Variants in PHF11 observed in about 807,000 individuals in gnomAD.
PHF11 encodes PHD finger protein 11, also known as BRCA1 C-terminus-associated protein.
PHF11 carries 38 observed loss-of-function variants against 40.5 expected under a neutral mutation model. The observed-to-expected ratio is 0.94, with a 90% confidence interval of 0.72 to 1.23. The LOEUF (loss-of-function observed/expected upper bound fraction) is 1.23. PHF11 is among the 50% of genes most tolerant of loss of function. The probability of loss-of-function intolerance (pLI) is 0.00; values close to 1 mark genes in which losing one functional copy is unlikely to be tolerated. For missense variants in PHF11, 369 were observed against 392.4 expected (o/e 0.94, Z 0.50); for synonymous variants, 127 against 138.2 (o/e 0.92, Z 0.57).
At chr13:49,527,136 T>C (rs1959338547) in intron 9 of PHF11, 1 of 152,230 alleles carries the variant, frequency 6.6e-6, no homozygotes, top group South Asian at 2.1e-4. Flanking sequence ...AAATCTCGTT[T>C]GGTTTGGAGG....
At chr13:49,504,635 T>G (rs1594203170) in intron 1 of PHF11, among the ~76,000 whole-genome samples, 1 of 135,546 alleles carries the variant, frequency 7.4e-6, no homozygotes, top group Admixed American at 7.6e-5. Context: ...GTCCGGGAGG[T>G]GAGAGGCGCC....
intron 9 of PHF11, 31 bp downstream of exon 9, chr13:49,526,489 T>C (rs748978081): frequency 7.1e-6 from 8 of 1,125,268 alleles, no homozygotes; most frequent in African/African-American, 1.6e-5. Flanking sequence ...CTGAGCAGCA[T>C]AGTTTTGAGA....
At chr13:49,525,888 G>C (rs1042654806) in intron 8 of PHF11, 13 of 436,558 alleles carry the variant, frequency 3.0e-5, no homozygotes, top group Non-Finnish European at 5.5e-5. Context: ...AGAATTGGGG[G>C]CCAGGCGCGG....
Position 49,522,115 on chromosome 13 carries a change from G to A in PHF11, c.570+8G>A, listed in dbSNP as rs1959191345. 3 of 1,475,928 alleles carry A rather than the reference G, an allele frequency of 2.0e-6. No homozygotes were observed. The highest frequency in any genetic ancestry group is 2.8e-6 in the Non-Finnish European group (3 of 1,059,028). 91.4% of individuals were successfully genotyped at this position (1,475,928 alleles called of 1,614,324 possible). A position where few individuals can be genotyped will look rare whatever the true frequency, so the allele number is the denominator to read the frequency against. ...TCAGGCAATCATGTACAGGTAATTT[G>A]ACTTAGTTTTTATAGCTTTGCATTT... On this transcript the variant is annotated splice_region_variant and intron_variant, in intron 6 of 9. Transcript: ENST00000378319.
intron 1 of PHF11, among the ~76,000 whole-genome samples, chr13:49,503,971 A>T (rs2139035245): frequency 6.6e-6 from 1 of 151,582 alleles, no homozygotes; most frequent in South Asian, 2.1e-4. Flanking sequence ...TGATCCACCC[A>T]CCTCAGCCTC....
intron 1 of PHF11, among the ~76,000 whole-genome samples, chr13:49,501,003 TTTTTTTTTTTTTGG>T (rs1471984168): frequency 1.7e-5 from 2 of 120,870 alleles, no homozygotes; most frequent in Non-Finnish European, 3.3e-5. Flanking sequence ...AACTTTTGTT[TTTTTTTTTTTTTGG>T]TTTTTTTTTT....
chr13:49,526,314 G>A (rs1020133377), intron 8 of PHF11, 73 bp from the exon 9 acceptor site: 5 of 922,334 alleles, frequency 5.4e-6, no homozygotes, highest in Admixed American at 1.9e-5. Context: ...CCCTGTTTTG[G>A]ATTACATATA....
chr13:49,506,898 C>CTTTT lies in PHF11; in HGVS notation c.216+162_216+165dup, dbSNP rs1169962633. On this transcript the variant is annotated intron_variant, in intron 2 of 9. Transcript: ENST00000378319. ...TTTAGGTGAAGATTGGGGAGCATTT[C>CTTTT]TTTTTTTTTTTTTTTTTTTTTTTGA... 315 of 143,906 alleles carry CTTTT rather than the reference C, an allele frequency of 2.2e-3. 1 individual carries two copies. The highest frequency in any genetic ancestry group is 5.0e-3 in the South Asian group (61 of 12,210). 8.9% of individuals were successfully genotyped at this position (143,906 alleles called of 1,614,324 possible). A position where few individuals can be genotyped will look rare whatever the true frequency, so the allele number is the denominator to read the frequency against.
rs10627347 is a variant in PHF11, at chr13:49,511,327, C to CT, written c.217-1716dup. Among the ~76,000 whole-genome samples the CT allele has an allele frequency of 5.0e-3, 630 of 125,846 alleles. 28 individuals are homozygous for CT. The highest frequency in any genetic ancestry group is 0.013 in the African/African-American group (447 of 33,386). 82.6% of individuals were successfully genotyped at this position (125,846 alleles called of 152,430 possible). On this transcript the variant is annotated intron_variant, in intron 2 of 9. Coordinates refer to ENST00000378319, the MANE Select transcript of PHF11 (RefSeq NM_001040443.3). ...TCATAATTTCAAAATTGTTCAATGG[C>CT]TTTTTTTTTTTTTTTTGAGACGGAG...
chr13:49,525,463 G>C (rs1174844713), intron 8 of PHF11, among the ~76,000 whole-genome samples: 2 of 152,168 alleles, frequency 1.3e-5, no homozygotes, highest in Non-Finnish European at 2.9e-5. Flanking sequence ...GGCCAGGCTG[G>C]TCTTGAACTC....
chr13:49,496,527 CA>C, intron 1 of PHF11: 4 of 837,854 alleles, frequency 4.8e-6, no homozygotes, highest in Non-Finnish European at 2.9e-6. Flanking sequence ...GTCTCACGTT[CA>C]CGGAGGACGT....
chr13:49,522,874 C>T (rs547605728), intron 6 of PHF11, among the ~76,000 whole-genome samples: 2 of 150,496 alleles, frequency 1.3e-5, no homozygotes, highest in Admixed American at 6.7e-5. Context: ...AAGTGATTCT[C>T]CTGCCCCAGC....
chr13:49,499,643 A>G (rs146008236), intron 1 of PHF11, among the ~76,000 whole-genome samples: 2 of 152,228 alleles, frequency 1.3e-5, no homozygotes, highest in African/African-American at 4.8e-5. Context: ...GGTAATGTCT[A>G]CTGTTTTGGT....
intron 4 of PHF11, 179 bp downstream of exon 4, chr13:49,518,330 A>C (rs1016969756): frequency 7.0e-6 from 2 of 284,698 alleles, no homozygotes; most frequent in East Asian, 5.6e-5. Flanking sequence ...AAATCTATAT[A>C]TATATATATA....
In PHF11 at chr13:49,496,047, A is replaced by C. The variant is rs1179291476; in HGVS notation, c.46A>C (p.Ser16Arg). Residue 16 changes from serine to arginine, a missense_variant, in exon 1 of 10, where the codon AGC (serine) becomes CGC (arginine). Physicochemically the swap from Ser to Arg is moderately radical, Grantham distance 110. Coordinates refer to ENST00000378319, the MANE Select transcript of PHF11 (RefSeq NM_001040443.3). ...CCGGCCCGAGAGGGTGCTCGGCGCCAGCAGCCCGGAGGCCCGGCCCGCGCA... is the reference window on the plus strand; with the variant it reads ...CCGGCCCGAGAGGGTGCTCGGCGCCCGCAGCCCGGAGGCCCGGCCCGCGCA... ...PPRPERVLGA[S>R]SPEARPAQEA... The C allele has an allele frequency of 1.4e-6, 2 of 1,459,936 alleles. No homozygotes were observed. Among genetic ancestry groups the C allele is most frequent in the Non-Finnish European group, 1.8e-6 (2 of 1,111,686 alleles). The allele number at this position is 1,459,936 out of a possible 1,614,324, so 90.4% of individuals were successfully genotyped here. A position where few individuals can be genotyped will look rare whatever the true frequency, so the allele number is the denominator to read the frequency against.
At chr13:49,499,702 T>A (rs1436736444) in intron 1 of PHF11, among the ~76,000 whole-genome samples, 1 of 152,206 alleles carries the variant, frequency 6.6e-6, no homozygotes, top group African/African-American at 2.4e-5. Context: ...TAAAATTGGC[T>A]TCTACACATC....
chr13:49,507,944 T>C (rs1959028477), intron 2 of PHF11, among the ~76,000 whole-genome samples: 1 of 152,116 alleles, frequency 6.6e-6, no homozygotes, highest in African/African-American at 2.4e-5. Flanking sequence ...ATTACTAGCC[T>C]TGGCTTTTAT....
intron 1 of PHF11, among the ~76,000 whole-genome samples, chr13:49,504,771 A>G (rs1958960605): frequency 6.6e-6 from 1 of 151,830 alleles, no homozygotes; most frequent in African/African-American, 2.4e-5. Flanking sequence ...GTGGAATAGA[A>G]AGGGGGGAAA....
intron 4 of PHF11, among the ~76,000 whole-genome samples, chr13:49,519,203 G>A (rs995392672): frequency 6.6e-6 from 1 of 152,170 alleles, no homozygotes; most frequent in African/African-American, 2.4e-5. Context: ...CATGAAATGT[G>A]TAAATATGTA....
Sources: allele counts gnomAD v4.1 joint callset (sites outside exome capture counted in the v4.1 genomes callset), GRCh38; gene constraint gnomAD v4.1.1; transcripts MANE v1.5; gene names NCBI Gene and HGNC (gene_info 2026-07-23, HGNC 2026-07-21).